The following PTPRN2 variants were observed in gnomAD, a reference collection of about 807,000 sequenced individuals.
PTPRN2 encodes receptor-type tyrosine-protein phosphatase N2.
In PTPRN2, 74 loss-of-function variants were observed where a neutral mutation model predicts 118.8. The observed-to-expected ratio is 0.62, with a 90% CI of 0.52 to 0.76. PTPRN2 has a LOEUF of 0.76. Ranked by LOEUF, PTPRN2 falls within the 30% of genes least tolerant of loss-of-function variation. The pLI, the probability that PTPRN2 is intolerant of heterozygous loss-of-function variation, is 0.00. For synonymous variants in PTPRN2, 641 were observed against 608.0 expected (o/e 1.05, Z -0.80); for missense variants, 1,481 against 1,394.4 (o/e 1.06, Z -0.99).
chr7:157,595,557 C>CAGGAGG (rs1339829049), intron 16 of PTPRN2, among the ~76,000 whole-genome samples: 19 of 116,266 alleles, frequency 1.6e-4, no homozygotes, highest in African/African-American at 7.6e-4. Flanking sequence ...GTTAGGAAGC[C>CAGGAGG]TGGAGGTTAG....
chr7:158,240,045 G>C (rs558428961), intron 3 of PTPRN2, among the ~76,000 whole-genome samples: 19 of 152,316 alleles, frequency 1.2e-4, no homozygotes, highest in Non-Finnish European at 2.2e-4. Flanking sequence ...TTAAAGGAGA[G>C]AGAGGGAGAA....
Position 157,726,158 on chromosome 7 carries a change from A to G in PTPRN2, c.1789-43221T>C, listed in dbSNP as rs13309296. Among the ~76,000 whole-genome samples, 330 of 48,212 alleles carry G rather than the reference A, an allele frequency of 6.8e-3. 7 individuals are homozygous for G. Among genetic ancestry groups the G allele is most frequent in the Middle Eastern group, 0.028 (2 of 72 alleles). 31.6% of individuals were successfully genotyped at this position (48,212 alleles called of 152,430 possible). A position where few individuals can be genotyped will look rare whatever the true frequency, so the allele number is the denominator to read the frequency against. On this transcript the variant is annotated intron_variant, in intron 12 of 22. Coordinates refer to ENST00000389418, the MANE Select transcript of PTPRN2 (RefSeq NM_002847.5). ...TGAGCCAGACTCTCGCCTCCCAGGA[A>G]AACTGGATATCCACATGCAGAGGAA...
At chr7:157,860,920 G>A (rs1030351192) in intron 12 of PTPRN2, among the ~76,000 whole-genome samples, 3 of 152,244 alleles carry the variant, frequency 2.0e-5, no homozygotes, top group Non-Finnish European at 2.9e-5. Context: ...TCAGTCAGTA[G>A]CTGTCAAAAC....
intron 12 of PTPRN2, among the ~76,000 whole-genome samples, chr7:157,725,890 G>A (rs1235369444): frequency 1.1e-4 from 10 of 94,514 alleles, no homozygotes; most frequent in African/African-American, 4.2e-4. Context: ...CCAGACCCTC[G>A]CCTCCCAGGA....
chr7:158,300,798 C>T (rs1175129734), intron 3 of PTPRN2, among the ~76,000 whole-genome samples: 1 of 152,158 alleles, frequency 6.6e-6, no homozygotes, highest in Non-Finnish European at 1.5e-5. Flanking sequence ...AGGTGGGCAG[C>T]CCACAGTCCT....
At chr7:157,911,162 G>C (rs975393317) in intron 11 of PTPRN2, among the ~76,000 whole-genome samples, 2 of 152,208 alleles carry the variant, frequency 1.3e-5, no homozygotes, top group Admixed American at 1.3e-4. Context: ...GTGAACGGGG[G>C]CTGATGCCTG....
In PTPRN2 at chr7:157,690,853, C is replaced by T. The variant is rs1348838960; in HGVS notation, c.1789-7916G>A. Among the ~76,000 whole-genome samples, 2 of 147,220 alleles carry T rather than the reference C, an allele frequency of 1.4e-5. No individual in the cohort carries two copies. Among genetic ancestry groups the T allele is most frequent in the African/African-American group, 4.9e-5 (2 of 40,890 alleles). ...CGGCCGCTCGGCCCAGCTCCGCGTG[C>T]TCCGCCCCGGCCCGGCCCCCGGGCT... On this transcript the variant is annotated intron_variant, in intron 12 of 22. Coordinates refer to ENST00000389418, the MANE Select transcript of PTPRN2 (RefSeq NM_002847.5). This position sits in a 1 kb window ranked among gnomAD's most constrained non-coding sequence, Gnocchi z 7.1.
chr7:157,949,342 A>C (rs1800675314), intron 11 of PTPRN2, among the ~76,000 whole-genome samples: 1 of 152,172 alleles, frequency 6.6e-6, no homozygotes, highest in South Asian at 2.1e-4. Context: ...ATGCTATGTT[A>C]ATTTTATCTC....
At chr7:157,605,574 T>C (rs1275677891) in intron 15 of PTPRN2, among the ~76,000 whole-genome samples, 1 of 152,060 alleles carries the variant, frequency 6.6e-6, no homozygotes, top group Non-Finnish European at 1.5e-5. Context: ...AAGAATGAGG[T>C]ATGGAGACAA....
chr7:157,954,508 T>G (rs867882639), intron 11 of PTPRN2, among the ~76,000 whole-genome samples: 23 of 23,804 alleles, frequency 9.7e-4, no homozygotes, highest in Admixed American at 1.1e-3. Context: ...CTGTGTGTGG[T>G]GTGTGTGTGT....
intron 1 of PTPRN2, among the ~76,000 whole-genome samples, chr7:158,567,910 C>A (rs1392954759): frequency 6.6e-6 from 1 of 152,210 alleles, no homozygotes; most frequent in Non-Finnish European, 1.5e-5. Flanking sequence ...AAATGACCAA[C>A]GTGCTAACGA....
intron 2 of PTPRN2, among the ~76,000 whole-genome samples, chr7:158,375,346 C>T (rs1327763420): frequency 6.6e-6 from 1 of 152,186 alleles, no homozygotes; most frequent in African/African-American, 2.4e-5. Flanking sequence ...AGTCCAGGCA[C>T]AATGAGGGCA....
chr7:157,874,808 CACACTCATGGACACACACAGA>C lies in PTPRN2; in HGVS notation c.1788+23844_1788+23864del, dbSNP rs1462093719. Among the ~76,000 whole-genome samples the C allele has an allele frequency of 1.8e-5, 2 of 111,856 alleles. No individual in the cohort carries two copies. Among genetic ancestry groups the C allele is most frequent in the Admixed American group, 9.5e-5 (1 of 10,530 alleles). The allele number at this position is 111,856 out of a possible 152,430, so 73.4% of individuals were successfully genotyped here. On this transcript the variant is annotated intron_variant, in intron 12 of 22. Coordinates refer to ENST00000389418, the MANE Select transcript of PTPRN2 (RefSeq NM_002847.5). The surrounding 1 kb of genome is among the most constrained non-coding windows in gnomAD (Gnocchi z 5.8). ...ACTCATACACATATACACACAGAGA[CACACTCATGGACACACACAGA>C]GACACACTCATGCACATATACACAC...
In PTPRN2 at chr7:157,664,660, G is replaced by A. The variant is rs148201376; in HGVS notation, c.2002-8109C>T. 4.9e-3 allele frequency among the ~76,000 whole-genome samples: 751 copies of A among 152,082 alleles called. 11 individuals carry two copies. Among genetic ancestry groups the A allele is most frequent in the African/African-American group, 0.017 (720 of 41,450 alleles). ...TGTACTCCCAGCTACTTGAGAGGCC[G>A]AGGTGGGAGGATCACTTGAGCCCAG... On this transcript the variant is annotated intron_variant, in intron 13 of 22. Coordinates refer to ENST00000389418, the MANE Select transcript of PTPRN2 (RefSeq NM_002847.5).
chr7:158,448,473 G>A (rs564983995), intron 2 of PTPRN2, among the ~76,000 whole-genome samples: 1 of 150,014 alleles, frequency 6.7e-6, no homozygotes, highest in Non-Finnish European at 1.5e-5. Context: ...CCAGGTCTGG[G>A]CAGCGCTGCA....
rs7783909 is a variant in PTPRN2 at position 157,801,724 on chromosome 7, G to A, written c.1788+96949C>T. On this transcript the variant is annotated intron_variant, in intron 12 of 22. Transcript: ENST00000389418. This position sits in a 1 kb window ranked among gnomAD's most constrained non-coding sequence, Gnocchi z 4.2. Reference sequence around the variant, plus strand: ...TTTAAGAAAAATTCACAGGAGAGGCGGCTGCTGAATGCCTCCACCGAGGGT... The same window carrying A: ...TTTAAGAAAAATTCACAGGAGAGGCAGCTGCTGAATGCCTCCACCGAGGGT... Among the ~76,000 whole-genome samples the A allele has an allele frequency of 0.11, 17,004 of 152,118 alleles. 1,170 individuals carry two copies. The highest frequency in any genetic ancestry group is 0.15 in the Non-Finnish European group (10,290 of 67,988).
At chr7:158,089,882 C>T (rs72505550) in intron 10 of PTPRN2, among the ~76,000 whole-genome samples, 785 of 23,260 alleles carry the variant, frequency 0.034, 137 homozygotes, top group East Asian at 0.34. Context: ...CCTCCCCTGA[C>T]GAAAGAGGGA....
rs1281950551 is a variant in PTPRN2 at position 158,316,852 on chromosome 7, G to T, written c.244C>A (p.Leu82Met). Residue 82 changes from leucine to methionine, a missense_variant, in exon 3 of 23, where the codon CTG becomes ATG. Around this residue, in one of 3 missense-constraint regions of PTPRN2, gnomAD observed 1,115 missense variants for 994.2 expected, o/e 1.12. Coordinates refer to ENST00000389418, the MANE Select transcript of PTPRN2 (RefSeq NM_002847.5). ...YEVSPVALQR[L>M]RVALQKLSGT... ...GAAAGCTTCTGCAACGCCACGCGCA[G>T]GCGCTGCAGGGCCACGGGCGACACC... The T allele has an allele frequency of 5.0e-6, 8 of 1,609,820 alleles. No individual in the cohort carries two copies. Among genetic ancestry groups the T allele is most frequent in the African/African-American group, 1.3e-5 (1 of 74,934 alleles).
At chr7:157,945,121 A>G (rs1800388403) in intron 11 of PTPRN2, among the ~76,000 whole-genome samples, 1 of 152,058 alleles carries the variant, frequency 6.6e-6, no homozygotes, top group Non-Finnish European at 1.5e-5. Flanking sequence ...ACACGGTGAG[A>G]GGTCAGAGAC....
Sources: allele counts gnomAD v4.1 joint callset (sites outside exome capture counted in the v4.1 genomes callset), GRCh38; gene constraint gnomAD v4.1.1; regional missense constraint gnomAD v4.1.1; non-coding constraint Gnocchi (gnomAD v3.1); transcripts MANE v1.5; gene names NCBI Gene and HGNC (gene_info 2026-07-23, HGNC 2026-07-21).